Variants in MYT1L observed in about 807,000 individuals in gnomAD.
MYT1L encodes myelin transcription factor 1-like protein.
MYT1L carries 12 observed loss-of-function variants against 126.7 expected under a neutral mutation model. The observed-to-expected ratio is 0.09, with a 90% confidence interval of 0.06 to 0.15. MYT1L has a LOEUF of 0.15. Among genes scored for constraint, MYT1L ranks in the 10% least tolerant of loss-of-function variants. The probability of loss-of-function intolerance (pLI) is 1.00; values close to 1 mark genes in which losing one functional copy is unlikely to be tolerated. For missense variants in MYT1L, 979 were observed against 1,585.2 expected, an observed-to-expected ratio of 0.62 and a Z score of 6.49; for synonymous variants, 541 against 604.2, an observed-to-expected ratio of 0.90 and a Z score of 1.53.
intron 18 of MYT1L, chr2:1,884,106 A>G (rs2047899421): frequency 6.6e-6 from 1 of 152,242 alleles, no homozygotes; most frequent in African/African-American, 2.4e-5. Flanking sequence ...TAAAGGCCAA[A>G]TATCACAATT....
At chr2:1,921,174 C>T (rs10184726) in intron 10 of MYT1L, among the ~76,000 whole-genome samples, 7,010 of 152,270 alleles carry the variant, frequency 0.046, 231 homozygotes, top group Non-Finnish European at 0.059. Context: ...ACTCAGGATT[C>T]GTAGTGAATA....
At chr2:2,176,286 A>G (rs1472789202) in intron 2 of MYT1L, among the ~76,000 whole-genome samples, 1 of 152,214 alleles carries the variant, frequency 6.6e-6, no homozygotes, top group Non-Finnish European at 1.5e-5. Flanking sequence ...ATGTACAGCC[A>G]GTTTTAAAAT....
chr2:1,900,558 C>T (rs1334248848), intron 14 of MYT1L, among the ~76,000 whole-genome samples: 3 of 152,166 alleles, frequency 2.0e-5, no homozygotes, highest in African/African-American at 7.2e-5. Flanking sequence ...CTCGGCCTCC[C>T]AAAGTGCTGG....
At chr2:2,037,831 A>C (rs1252718006) in intron 4 of MYT1L, among the ~76,000 whole-genome samples, 5 of 152,062 alleles carry the variant, frequency 3.3e-5, no homozygotes, top group Non-Finnish European at 5.9e-5. Flanking sequence ...ACACACTTCA[A>C]ACTATATATT....
intron 4 of MYT1L, among the ~76,000 whole-genome samples, chr2:2,020,620 C>G (rs1215036253): frequency 5.3e-5 from 8 of 152,204 alleles, no homozygotes; most frequent in Admixed American, 5.2e-4. Flanking sequence ...CATACTTAAT[C>G]TTTTCATATC....
chr2:2,150,571 A>T (rs1345447204), intron 3 of MYT1L, among the ~76,000 whole-genome samples: 2 of 152,176 alleles, frequency 1.3e-5, no homozygotes, highest in Non-Finnish European at 2.9e-5. Context: ...ACCAGTTTTG[A>T]CTAAATTACA....
At chr2:2,011,475 T>C (rs2063819783) in intron 4 of MYT1L, among the ~76,000 whole-genome samples, 1 of 150,162 alleles carries the variant, frequency 6.7e-6, no homozygotes, top group Non-Finnish European at 1.5e-5. Context: ...TGGCAACATA[T>C]TCTTAAATAT....
At chr2:2,318,122 T>G (rs2149668621) in intron 1 of MYT1L, among the ~76,000 whole-genome samples, 1 of 152,324 alleles carries the variant, frequency 6.6e-6, no homozygotes, top group South Asian at 2.1e-4. Flanking sequence ...CATGATTCAA[T>G]TTGCACATGT....
At chr2:1,851,977 C>A (rs1200717423) in intron 18 of MYT1L, among the ~76,000 whole-genome samples, 1 of 152,152 alleles carries the variant, frequency 6.6e-6, no homozygotes, top group Non-Finnish European at 1.5e-5. Context: ...ATTCTAGAAC[C>A]TGTATTCCCT....
At chr2:2,105,422 G>T (rs1412328767) in intron 3 of MYT1L, among the ~76,000 whole-genome samples, 1 of 152,100 alleles carries the variant, frequency 6.6e-6, no homozygotes, top group East Asian at 1.9e-4. Context: ...GATATCTGTT[G>T]CCCCCTCTTT....
intron 14 of MYT1L, among the ~76,000 whole-genome samples, chr2:1,893,637 T>C (rs1414312979): frequency 2.0e-5 from 3 of 152,212 alleles, no homozygotes; most frequent in Non-Finnish European, 4.4e-5. Flanking sequence ...TCCTGCGGTG[T>C]CTTCTGTGCC....
At chr2:2,214,581 G>A (rs866274693) in intron 2 of MYT1L, among the ~76,000 whole-genome samples, 3 of 152,102 alleles carry the variant, frequency 2.0e-5, no homozygotes, top group Non-Finnish European at 4.4e-5. Flanking sequence ...GTACTTAAGA[G>A]GAAAAGAAAT....
chr2:1,798,192 CCTCTTCTCCGGCACAGGCGCGGCGGTCT>C lies in MYT1L; in HGVS notation c.3276+3476_3276+3503del, dbSNP rs66908768. ...CATCCGGCACAGGCGCGGCGGTCTC[CCTCTTCTCCGGCACAGGCGCGGCGGTCT>C]CCCTCCATCCGGCACAGGCGCGGCG... On this transcript the variant is annotated intron_variant, in intron 23 of 24. Coordinates refer to ENST00000647738, the MANE Select transcript of MYT1L (RefSeq NM_001303052.2). 7.4e-5 allele frequency among the ~76,000 whole-genome samples: 5 copies of C among 67,152 alleles called. 1 individual carries two copies. Among genetic ancestry groups the C allele is most frequent in the African/African-American group, 2.7e-4 (5 of 18,686 alleles). 44.1% of individuals were successfully genotyped at this position (67,152 alleles called of 152,430 possible).
chr2:2,020,566 T>C (rs1442195048), intron 4 of MYT1L, among the ~76,000 whole-genome samples: 1 of 152,236 alleles, frequency 6.6e-6, no homozygotes, highest in African/African-American at 2.4e-5. Flanking sequence ...TTCTATGATG[T>C]AGCTATTTCC....
At chr2:1,909,836 T>C (rs552084522) in intron 13 of MYT1L, among the ~76,000 whole-genome samples, 1 of 152,292 alleles carries the variant, frequency 6.6e-6, no homozygotes, top group African/African-American at 2.4e-5. Flanking sequence ...ACCCCTGGCA[T>C]CGTCAGAAAC....
intron 18 of MYT1L, among the ~76,000 whole-genome samples, chr2:1,862,345 G>GGAGCAACAAAGCTGA (rs1463050135): frequency 6.6e-6 from 1 of 152,144 alleles, no homozygotes; most frequent in Non-Finnish European, 1.5e-5. Context: ...AGGTCAAAAA[G>GGAGCAACAAAGCTGA]GAGCAACAAA....
At position 1,965,410 on chromosome 2, in the gene MYT1L, G is replaced by A. The variant is rs186189680; in HGVS notation, c.152+13755C>T. The stretch of plus-strand genomic sequence containing the variant: ...ACCAGGCAGGGAAGAGGAGGACCCA[G>A]ACTCTGTGACTTGCAGGGACCAGGC... On this transcript the variant is annotated intron_variant, in intron 8 of 24. Transcript: ENST00000647738. Among the ~76,000 whole-genome samples the A allele has an allele frequency of 1.1e-3, 161 of 142,994 alleles. 2 individuals carry two copies. In the East Asian group the frequency reaches 0.027, roughly 24 times the overall value. The allele number at this position is 142,994 out of a possible 152,430, so 93.8% of individuals were successfully genotyped here. A position where few individuals can be genotyped will look rare whatever the true frequency, so the allele number is the denominator to read the frequency against.
At chr2:2,098,286 T>C (rs902766969) in intron 3 of MYT1L, among the ~76,000 whole-genome samples, 10 of 152,314 alleles carry the variant, frequency 6.6e-5, no homozygotes, top group African/African-American at 2.2e-4. Context: ...AGGAGACAGA[T>C]GTCTTTTCAA....
intron 15 of MYT1L, 133 bp downstream of exon 15, chr2:1,891,904 G>A: frequency 3.6e-6 from 5 of 1,400,800 alleles, no homozygotes; most frequent in Admixed American, 2.9e-5. Context: ...GTTCACAGTG[G>A]CGAGAATGGT....
Sources: allele counts gnomAD v4.1 joint callset (sites outside exome capture counted in the v4.1 genomes callset), GRCh38; gene constraint gnomAD v4.1.1; transcripts MANE v1.5; gene names NCBI Gene and HGNC (gene_info 2026-07-23, HGNC 2026-07-21).